The following RSPH10B2 variants were observed in gnomAD, a reference collection of about 807,000 sequenced individuals.
The protein encoded by RSPH10B2 is radial spoke head 10 homolog B2, also known as radial spoke head 10 homolog B2 (Chlamydomonas).
Under a neutral mutation model 49.0 loss-of-function variants are expected in RSPH10B2, and 9 were observed. The observed-to-expected ratio is 0.18, with a 90% confidence interval of 0.11 to 0.32. RSPH10B2 has a LOEUF of 0.32. Among genes scored for constraint, RSPH10B2 ranks in the 10% least tolerant of loss-of-function variants. RSPH10B2 has a pLI of 1.00. For synonymous variants in RSPH10B2, 35 were observed against 210.2 expected (o/e 0.17, Z 7.21); for missense variants, 95 against 589.9 (o/e 0.16, Z 8.69).
intron 4 of RSPH10B2, among the ~76,000 whole-genome samples, chr7:6,764,930 G>A (rs1224094287): frequency 1.0e-5 from 1 of 99,084 alleles, no homozygotes; most frequent in Non-Finnish European, 2.0e-5. Context: ...ATCAAACAAA[G>A]GGTACTCTAT....
In RSPH10B2 at chr7:6,781,375, A is replaced by G; in HGVS notation, c.1657A>G (p.Met553Val). 3.1e-6 allele frequency: 4 copies of G among 1,287,072 alleles called. 1 individual carries two copies. The highest frequency in any genetic ancestry group is 4.1e-6 in the Non-Finnish European group (4 of 977,006). The allele number at this position is 1,287,072 out of a possible 1,614,324, so 79.7% of individuals were successfully genotyped here. A position where few individuals can be genotyped will look rare whatever the true frequency, so the allele number is the denominator to read the frequency against. The change falls in exon 13 of 19, where the codon ATG becomes GTG. Residue 553 changes from methionine to valine, a missense_variant. Physicochemically the swap from Met to Val is conservative, Grantham distance 21. Coordinates refer to ENST00000297186, the Ensembl canonical transcript of RSPH10B2. ...GCGGACGCTCTACTCTATGAGTTAC[A>G]TGAATAAGTGCTGGGAGATTTATCT...
chr7:6,755,970 C>T (rs879786806), upstream of RSPH10B2, among the ~76,000 whole-genome samples: 12,009 of 128,594 alleles, frequency 0.093, 22 homozygotes, highest in South Asian at 0.17. Context: ...ACCCAAAAAA[C>T]ACAGAACTGG....
At chr7:6,785,404 C>T (rs1422044524) in intron 13 of RSPH10B2, among the ~76,000 whole-genome samples, 1 of 152,300 alleles carries the variant, frequency 6.6e-6, no homozygotes, top group Non-Finnish European at 1.5e-5. Flanking sequence ...TCCCCAACGC[C>T]TGGGCTCAAG....
exon 18 of RSPH10B2, chr7:6,796,657 C>A: frequency 1.6e-6 from 2 of 1,233,720 alleles, no homozygotes; most frequent in Non-Finnish European, 2.1e-6. Context: ...CACGCTCTTT[C>A]ATGCGTATAA....
At chr7:6,770,653 C>A (rs1284004617) in intron 7 of RSPH10B2, among the ~76,000 whole-genome samples, 2 of 146,704 alleles carry the variant, frequency 1.4e-5, no homozygotes, top group African/African-American at 5.0e-5. Context: ...CGCCTGTAAT[C>A]CCAACACTTT....
At chr7:6,796,093 G>A (rs1181506107) in intron 17 of RSPH10B2, among the ~76,000 whole-genome samples, 11 of 141,546 alleles carry the variant, frequency 7.8e-5, no homozygotes, top group African/African-American at 2.8e-4. Flanking sequence ...GCCGAGGTGG[G>A]TGGATCACGT....
Position 6,781,869 on chromosome 7 carries a change from A to ATATAT in RSPH10B2, c.1758+393_1758+394insTATAT, listed in dbSNP as rs555512244. 3.4e-3 allele frequency among the ~76,000 whole-genome samples: 335 copies of ATATAT among 97,880 alleles called. 1 individual carries two copies. The highest frequency in any genetic ancestry group is 7.4e-3 in the Admixed American group (59 of 8,026). 64.2% of individuals were successfully genotyped at this position (97,880 alleles called of 152,430 possible). A position where few individuals can be genotyped will look rare whatever the true frequency, so the allele number is the denominator to read the frequency against. On this transcript the variant is annotated intron_variant, in intron 13 of 18. Coordinates refer to ENST00000297186, the Ensembl canonical transcript of RSPH10B2. Reference sequence around the variant, plus strand: ...TATGCCATGGGCCATTGTCTTAAAAAATATATATATATATAAATATATATA... The same window carrying ATATAT: ...TATGCCATGGGCCATTGTCTTAAAAATATATATATATATATATATAAATATATATA...
chr7:6,792,661 A>G (rs1782390506), intron 17 of RSPH10B2, among the ~76,000 whole-genome samples: 1 of 120,706 alleles, frequency 8.3e-6, no homozygotes, highest in Non-Finnish European at 1.7e-5. Context: ...AGGGTCATCC[A>G]GTGATGATCA....
rs2692578 is a variant in RSPH10B2 at position 6,783,232 on chromosome 7, G to A, written c.1758+1756G>A. Among the ~76,000 whole-genome samples the A allele has an allele frequency of 9.8e-3, 1,043 of 106,914 alleles. 81 individuals are homozygous for A. Among genetic ancestry groups the A allele is most frequent in the African/African-American group, 0.029 (702 of 24,192 alleles). The allele number at this position is 106,914 out of a possible 152,430, so 70.1% of individuals were successfully genotyped here. A position where few individuals can be genotyped will look rare whatever the true frequency, so the allele number is the denominator to read the frequency against. On this transcript the variant is annotated intron_variant, in intron 13 of 18. Transcript: ENST00000297186. ...TTTTTAGTAGAGACAGTGTTTCACT[G>A]TGTTAGCAAGGATGATCTCAATCTC...
chr7:6,780,043 A>G (rs1463340296), intron 11 of RSPH10B2, among the ~76,000 whole-genome samples: 1 of 112,580 alleles, frequency 8.9e-6, no homozygotes, highest in Non-Finnish European at 1.9e-5. Flanking sequence ...GGCTGGTTTC[A>G]AACTCCTGAC....
At position 6,776,924 on chromosome 7, in the gene RSPH10B2, CACAA is replaced by C. The variant is rs1292518056; in HGVS notation, c.1414+380_1414+383del. The stretch of plus-strand genomic sequence containing the variant: ...ACACACACACACACACACACACACA[CACAA>C]AAGGCAGGGGTCCCCAACCCCCAGG... On this transcript the variant is annotated intron_variant, in intron 10 of 18. Transcript: ENST00000297186. Among the ~76,000 whole-genome samples the C allele has an allele frequency of 4.9e-4, 60 of 122,264 alleles. 1 individual carries two copies. The highest frequency in any genetic ancestry group is 9.0e-4 in the Non-Finnish European group (52 of 57,788). 80.2% of individuals were successfully genotyped at this position (122,264 alleles called of 152,430 possible). A position where few individuals can be genotyped will look rare whatever the true frequency, so the allele number is the denominator to read the frequency against.
intron 17 of RSPH10B2, among the ~76,000 whole-genome samples, chr7:6,792,721 G>T (rs1782392343): frequency 8.4e-6 from 1 of 119,530 alleles, no homozygotes; most frequent in Non-Finnish European, 1.7e-5. Context: ...CCAGTTGCAC[G>T]TGGCCTTGTT....
chr7:6,783,838 A>AATAATT (rs1782036344), intron 13 of RSPH10B2, among the ~76,000 whole-genome samples: 3 of 131,510 alleles, frequency 2.3e-5, no homozygotes, highest in African/African-American at 5.6e-5. Context: ...TAATAATAAT[A>AATAATT]ATTATTATTA....
chr7:6,786,275 C>T (rs1269208542), intron 14 of RSPH10B2, among the ~76,000 whole-genome samples: 2 of 88,728 alleles, frequency 2.3e-5, no homozygotes, highest in East Asian at 4.0e-4. Flanking sequence ...CTCCGCCTCC[C>T]GGGTTCACGC....
chr7:6,784,691 G>C lies in RSPH10B2; in HGVS notation c.1759-1258G>C, dbSNP rs570265774. ...AGTGATTCCCTTGCCTCAGCCTCCC[G>C]AGTAGCTGGGACTACAGGCACATGC... On this transcript the variant is annotated intron_variant, in intron 13 of 18. Coordinates refer to ENST00000297186, the Ensembl canonical transcript of RSPH10B2. 4.6e-5 allele frequency among the ~76,000 whole-genome samples: 6 copies of C among 129,222 alleles called. 1 individual carries two copies. In the South Asian group the frequency reaches 1.9e-3, roughly 40 times the overall value. 84.8% of individuals were successfully genotyped at this position (129,222 alleles called of 152,430 possible). A position where few individuals can be genotyped will look rare whatever the true frequency, so the allele number is the denominator to read the frequency against.
intron 7 of RSPH10B2, among the ~76,000 whole-genome samples, chr7:6,769,827 C>G (rs2115428501): frequency 1.4e-5 from 1 of 71,924 alleles, no homozygotes; most frequent in South Asian, 3.5e-4. Context: ...CTCCTGGTCT[C>G]AAGTGATCCT....
intron 11 of RSPH10B2, among the ~76,000 whole-genome samples, chr7:6,780,283 A>G (rs1433334306): frequency 8.0e-6 from 1 of 125,546 alleles, no homozygotes; most frequent in Non-Finnish European, 1.7e-5. Context: ...TTTCTAATGC[A>G]GAAACAAATA....
chr7:6,793,731 C>T (rs1283677424), intron 17 of RSPH10B2, among the ~76,000 whole-genome samples: 2 of 143,800 alleles, frequency 1.4e-5, no homozygotes, highest in Non-Finnish European at 3.0e-5. Flanking sequence ...GTAGTCCCAG[C>T]TACTTGGGAG....
intron 10 of RSPH10B2, among the ~76,000 whole-genome samples, chr7:6,777,044 TTTTTG>T (rs1165193848): frequency 1.4e-4 from 7 of 49,374 alleles, no homozygotes; most frequent in African/African-American, 5.0e-4. Flanking sequence ...TTCATCTGTT[TTTTTG>T]TTTTGTTTTG....
Sources: gnomAD v4.1 joint callset for allele counts (sites outside exome capture counted in the v4.1 genomes callset) on GRCh38, gnomAD v4.1.1 for gene constraint, MANE v1.5 for transcripts, NCBI Gene and HGNC (gene_info 2026-07-23, HGNC 2026-07-21) for gene names.